LONRF1: variants seen among roughly 807,000 people sequenced by gnomAD.
LONRF1 encodes LON peptidase N-terminal domain and ring finger 1.
A neutral mutation model predicts 85.8 loss-of-function variants in LONRF1; 37 were observed. That is an observed-to-expected ratio of 0.43 (90% confidence interval 0.33 to 0.57). LONRF1 has a LOEUF of 0.57. Ranked by LOEUF, LONRF1 falls within the 20% of genes least tolerant of loss-of-function variation. The pLI, the probability that LONRF1 is intolerant of heterozygous loss-of-function variation, is 0.04. For synonymous variants in LONRF1, 517 were observed against 390.1 expected (o/e 1.33, Z -3.83); for missense variants, 1,036 against 978.0 (o/e 1.06, Z -0.79).
intron 11 of LONRF1, 92 bp downstream of exon 11, chr8:12,725,635 T>C (rs1798268093): frequency 3.8e-6 from 5 of 1,304,944 alleles, no homozygotes; most frequent in Non-Finnish European, 5.3e-6. Context: ...GAAAAAGTAG[T>C]GCAGAAAGGA....
intron 3 of LONRF1, among the ~76,000 whole-genome samples, chr8:12,739,768 C>A (rs1798858559): frequency 6.6e-6 from 1 of 152,176 alleles, no homozygotes; most frequent in Admixed American, 6.5e-5. Flanking sequence ...AATGCAGAAA[C>A]ACATGCTCTT....
At chr8:12,730,186 G>A (rs1201823101) in intron 8 of LONRF1, among the ~76,000 whole-genome samples, 1 of 152,166 alleles carries the variant, frequency 6.6e-6, no homozygotes, top group Admixed American at 6.5e-5. Context: ...GGAATACTAT[G>A]TTTCCATTAA....
At chr8:12,748,610 T>C (rs1025306540) in intron 1 of LONRF1, among the ~76,000 whole-genome samples, 7 of 152,214 alleles carry the variant, frequency 4.6e-5, no homozygotes, top group African/African-American at 1.7e-4. Flanking sequence ...TAGAAATACA[T>C]AAATTAAAAA....
intron 1 of LONRF1, among the ~76,000 whole-genome samples, chr8:12,752,362 C>G (rs957586711): frequency 6.6e-6 from 1 of 152,120 alleles, no homozygotes; most frequent in Non-Finnish European, 1.5e-5. Context: ...GGCCCTTTAC[C>G]AACTCTAATT....
At chr8:12,727,840 T>G (rs996905270) in intron 10 of LONRF1, among the ~76,000 whole-genome samples, 1 of 152,210 alleles carries the variant, frequency 6.6e-6, no homozygotes, top group Non-Finnish European at 1.5e-5. Flanking sequence ...ATTTTTATAA[T>G]AAGATAGGAC....
chr8:12,742,362 T>G (rs1175975292), intron 2 of LONRF1, among the ~76,000 whole-genome samples: 1 of 152,236 alleles, frequency 6.6e-6, no homozygotes, highest in Non-Finnish European at 1.5e-5. Context: ...CTTGACAATT[T>G]GATAAAAAGG....
chr8:12,734,376 G>A (rs1366312107), intron 7 of LONRF1, among the ~76,000 whole-genome samples: 3 of 152,066 alleles, frequency 2.0e-5, no homozygotes, highest in Non-Finnish European at 1.5e-5. Context: ...TATTCATAAT[G>A]GTTTTATGAA....
At chr8:12,736,443 A>T (rs928188769) in intron 6 of LONRF1, among the ~76,000 whole-genome samples, 2 of 152,162 alleles carry the variant, frequency 1.3e-5, no homozygotes, top group Non-Finnish European at 2.9e-5. Flanking sequence ...TTTTATACTG[A>T]AGCCATGTGA....
chr8:12,738,365 T>C (rs568829974), intron 3 of LONRF1, among the ~76,000 whole-genome samples: 4 of 152,154 alleles, frequency 2.6e-5, no homozygotes, highest in South Asian at 2.1e-4. Context: ...ATTCAAAACT[T>C]TGAAAGGAAA....
Position 12,726,663 on chromosome 8 carries a change from C to T in LONRF1, c.2011-784G>A, listed in dbSNP as rs907809843. ...GATTTCTTTAATGCACACTTACATCCCACTTGCTACTTGCCAGGTCGTGCT... is the reference window on the plus strand; with the variant it reads ...GATTTCTTTAATGCACACTTACATCTCACTTGCTACTTGCCAGGTCGTGCT... On this transcript the variant is annotated intron_variant, in intron 10 of 11. Coordinates refer to ENST00000398246, the MANE Select transcript of LONRF1 (RefSeq NM_152271.5). 5.9e-5 allele frequency among the ~76,000 whole-genome samples: 9 copies of T among 152,166 alleles called. No individual in the cohort carries two copies. The East Asian group carries it at 1.5e-3, about 26-fold the overall frequency.
At chr8:12,725,649 T>C (rs1270920322) in intron 11 of LONRF1, 78 bp downstream of exon 11, 2 of 1,414,968 alleles carry the variant, frequency 1.4e-6, no homozygotes, top group Non-Finnish European at 1.9e-6. Flanking sequence ...GAAAGGACAA[T>C]GAGAAAACAA....
At chr8:12,748,586 TTTC>T (rs1799257786) in intron 1 of LONRF1, among the ~76,000 whole-genome samples, 1 of 152,230 alleles carries the variant, frequency 6.6e-6, no homozygotes, top group South Asian at 2.1e-4. Flanking sequence ...ACAAGCTGTG[TTTC>T]TTCTCTTTGC....
intron 6 of LONRF1, 129 bp from the exon 7 acceptor site, chr8:12,735,529 G>A: frequency 3.1e-6 from 2 of 642,846 alleles, no homozygotes; most frequent in Non-Finnish European, 5.5e-6. Flanking sequence ...GGCAGGAGAG[G>A]AGAGAAAGGG....
intron 10 of LONRF1, among the ~76,000 whole-genome samples, chr8:12,726,655 C>T (rs1342466429): frequency 6.6e-6 from 1 of 152,228 alleles, no homozygotes; most frequent in African/African-American, 2.4e-5. Flanking sequence ...TTAATGCACA[C>T]TTACATCCCA....
rs1799484170 is a variant in LONRF1 at position 12,753,300 on chromosome 8, A to C, written c.721+1400T>G. On this transcript the variant is annotated intron_variant, in intron 1 of 11. Transcript: ENST00000398246. The stretch of plus-strand genomic sequence containing the variant: ...GACTAAGCACTTGGGACAAAAGATG[A>C]CCCGAAAGATGATCCTTTCAGTTAC... 4 of 152,224 alleles carry C rather than the reference A, an allele frequency of 2.6e-5. No individual in the cohort carries two copies. The South Asian group carries it at 8.3e-4, about 32-fold the overall frequency. 9.4% of individuals were successfully genotyped at this position (152,224 alleles called of 1,614,324 possible). A position where few individuals can be genotyped will look rare whatever the true frequency, so the allele number is the denominator to read the frequency against.
chr8:12,755,477 G>A lies in LONRF1; in HGVS notation c.-57C>T, dbSNP rs1006081785. On this transcript the variant is annotated 5_prime_UTR_variant, in exon 1 of 12. Transcript: ENST00000398246. Reference sequence around the variant, plus strand: ...CCGCCACGGTCCCGGAGCCTCCCGGGCGCGCGGCTCCGCACGCGGCCCGCG... The same window carrying A: ...CCGCCACGGTCCCGGAGCCTCCCGGACGCGCGGCTCCGCACGCGGCCCGCG... The A allele has an allele frequency of 3.1e-5, 31 of 991,836 alleles. No individual in the cohort carries two copies. Among genetic ancestry groups the A allele is most frequent in the Non-Finnish European group, 3.6e-5 (29 of 816,368 alleles). 61.4% of individuals were successfully genotyped at this position (991,836 alleles called of 1,614,324 possible). A position where few individuals can be genotyped will look rare whatever the true frequency, so the allele number is the denominator to read the frequency against.
chr8:12,743,770 C>T (rs913212476), intron 1 of LONRF1, among the ~76,000 whole-genome samples: 5 of 152,102 alleles, frequency 3.3e-5, no homozygotes, highest in South Asian at 2.1e-4. Context: ...TGAGCATACA[C>T]AGTAGTCTTG....
chr8:12,741,384 A>G (rs1480053050), intron 2 of LONRF1, among the ~76,000 whole-genome samples: 3 of 152,166 alleles, frequency 2.0e-5, no homozygotes, highest in Admixed American at 2.0e-4. Flanking sequence ...ACTCTGTCTC[A>G]AACAAACAAA....
intron 3 of LONRF1, among the ~76,000 whole-genome samples, chr8:12,739,715 A>C (rs987130621): frequency 6.6e-6 from 1 of 152,214 alleles, no homozygotes; most frequent in African/African-American, 2.4e-5. Context: ...TTAACCAGCA[A>C]ACAAATAGTT....
Sources: gnomAD v4.1 joint callset for allele counts (sites outside exome capture counted in the v4.1 genomes callset) on GRCh38, gnomAD v4.1.1 for gene constraint, MANE v1.5 for transcripts, NCBI Gene and HGNC (gene_info 2026-07-23, HGNC 2026-07-21) for gene names.